The following HDAC4 variants were observed in gnomAD, a reference collection of about 807,000 sequenced individuals.
HDAC4 encodes histone deacetylase 4.
In HDAC4, 16 loss-of-function variants were observed where a neutral mutation model predicts 135.1. That is an observed-to-expected ratio of 0.12 (90% CI 0.08 to 0.18). The LOEUF (loss-of-function observed/expected upper bound fraction) is 0.18. Among genes scored for constraint, HDAC4 ranks in the 10% least tolerant of loss-of-function variants. HDAC4 has a pLI of 1.00. For synonymous variants in HDAC4, 685 were observed against 653.4 expected, an observed-to-expected ratio of 1.05 and a Z score of -0.74; for missense variants, 1,143 against 1,511.8, an observed-to-expected ratio of 0.76 and a Z score of 4.05.
intron 2 of HDAC4, among the ~76,000 whole-genome samples, chr2:239,243,075 T>C (rs1308318583): frequency 7.2e-6 from 1 of 139,180 alleles, no homozygotes; most frequent in Non-Finnish European, 1.5e-5. Flanking sequence ...CTTGGAGACC[T>C]CAGTCCCACA....
intron 2 of HDAC4, among the ~76,000 whole-genome samples, chr2:239,272,567 C>T (rs963916357): frequency 6.6e-6 from 1 of 152,222 alleles, no homozygotes; most frequent in East Asian, 1.9e-4. Context: ...TGACTGTCAT[C>T]ACTAGTTGTT....
At chr2:239,386,807 A>T (rs1383660331) in intron 1 of HDAC4, among the ~76,000 whole-genome samples, 1 of 152,208 alleles carries the variant, frequency 6.6e-6, no homozygotes, top group Non-Finnish European at 1.5e-5. Context: ...CAGTGAAAAC[A>T]CAGTGGTCTC....
chr2:239,158,422 C>T (rs1342695992), intron 6 of HDAC4, among the ~76,000 whole-genome samples: 3 of 152,256 alleles, frequency 2.0e-5, no homozygotes, highest in South Asian at 4.1e-4. Flanking sequence ...TATATTTGAA[C>T]GGTAGGATTT....
intron 22 of HDAC4, among the ~76,000 whole-genome samples, chr2:239,074,313 ACT>A (rs967068342): frequency 5.3e-5 from 8 of 152,252 alleles, no homozygotes; most frequent in African/African-American, 1.9e-4. Context: ...TTGGCGAGGC[ACT>A]CTGACTGCTG....
intron 16 of HDAC4, among the ~76,000 whole-genome samples, chr2:239,101,530 T>G (rs1006608413): frequency 2.0e-5 from 3 of 152,168 alleles, no homozygotes; most frequent in Non-Finnish European, 4.4e-5. Flanking sequence ...TCCTTGCCCC[T>G]GCAACCCCTG....
At chr2:239,348,809 A>G (rs935129963) in intron 2 of HDAC4, among the ~76,000 whole-genome samples, 5 of 152,250 alleles carry the variant, frequency 3.3e-5, no homozygotes, top group African/African-American at 1.2e-4. Flanking sequence ...GGCCGCTCAC[A>G]TCATTAGAAA....
intron 12 of HDAC4, among the ~76,000 whole-genome samples, chr2:239,124,532 G>A (rs1471251547): frequency 4.6e-5 from 7 of 151,816 alleles, no homozygotes; most frequent in African/African-American, 1.7e-4. Context: ...GCGTGCCGGC[G>A]TGTGGCCGTG....
chr2:239,230,368 C>CAAAAAAAAAAAAAAAAAAAAAA (rs56105562), intron 3 of HDAC4, among the ~76,000 whole-genome samples: 1 of 79,394 alleles, frequency 1.3e-5, no homozygotes, highest in African/African-American at 5.2e-5. Flanking sequence ...AGCAAGCAAG[C>CAAAAAAAAAAAAAAAAAAAAAA]AAAAAAAAAA....
At chr2:239,095,372 C>T (rs1469018188) in intron 16 of HDAC4, among the ~76,000 whole-genome samples, 4 of 152,174 alleles carry the variant, frequency 2.6e-5, no homozygotes, top group Admixed American at 6.5e-5. Context: ...CCCTGGTGGG[C>T]GTCTGCCTGC....
At position 239,167,183 on chromosome 2, in the gene HDAC4, C is replaced by T. The variant is rs1257025810; in HGVS notation, c.491-3260G>A. ...CCAGTAGACCCAAACTCAGTGCAGT[C>T]AGCCTTACCTGCTCAAAACACCAGT... is the stretch of plus-strand genomic sequence containing the variant. On this transcript the variant is annotated intron_variant, in intron 5 of 26. Coordinates refer to ENST00000543185, the MANE Select transcript of HDAC4 (RefSeq NM_001378414.1). This position sits in a 1 kb window ranked among gnomAD's most constrained non-coding sequence, Gnocchi z 4.1. Among the ~76,000 whole-genome samples the T allele has an allele frequency of 6.6e-6, 1 of 152,170 alleles. No homozygotes were observed. The highest frequency in any genetic ancestry group is 1.5e-5 in the Non-Finnish European group (1 of 68,036).
At chr2:239,242,256 G>GGGAT (rs1217975026) in intron 2 of HDAC4, among the ~76,000 whole-genome samples, 9 of 148,978 alleles carry the variant, frequency 6.0e-5, no homozygotes, top group African/African-American at 2.3e-4. Flanking sequence ...GAGGGAGGGA[G>GGGAT]GGAAACGAAC....
intron 1 of HDAC4, among the ~76,000 whole-genome samples, chr2:239,359,985 G>A (rs753429510): frequency 1.3e-5 from 2 of 152,204 alleles, no homozygotes; most frequent in Non-Finnish European, 2.9e-5. Context: ...AGGTACACCT[G>A]TTAGGAGTTC....
chr2:239,339,939 G>A (rs1692195683), intron 2 of HDAC4, among the ~76,000 whole-genome samples: 1 of 152,236 alleles, frequency 6.6e-6, no homozygotes, highest in South Asian at 2.1e-4. Flanking sequence ...ACCGGCCTTT[G>A]TGACTGCTTC....
rs372839390 is a variant in HDAC4 at position 239,337,303 on chromosome 2, G to A, written c.22+15375C>T. ...ACTCACCGGCGAAATAAACGTTTTG[G>A]CTCCGGGAAGGCAGAAAACGTCCAC... On this transcript the variant is annotated intron_variant, in intron 2 of 26. Transcript: ENST00000543185. Among the ~76,000 whole-genome samples, 6 of 152,202 alleles carry A rather than the reference G, an allele frequency of 3.9e-5. No individual in the cohort carries two copies. In the East Asian group the frequency reaches 1.2e-3, roughly 30 times the overall value.
chr2:239,375,801 G>C (rs922900374), intron 1 of HDAC4, among the ~76,000 whole-genome samples: 2 of 152,200 alleles, frequency 1.3e-5, no homozygotes, highest in Non-Finnish European at 2.9e-5. Flanking sequence ...TGGGGAGTCT[G>C]GGCTCCCTCA....
chr2:239,179,033 G>A (rs576208155), intron 4 of HDAC4, among the ~76,000 whole-genome samples: 3 of 151,828 alleles, frequency 2.0e-5, no homozygotes, highest in African/African-American at 4.8e-5. Flanking sequence ...GGCAGCCACC[G>A]GACGCCTGAG....
chr2:239,149,521 CAGA>C (rs2041976362), intron 7 of HDAC4, among the ~76,000 whole-genome samples: 1 of 152,138 alleles, frequency 6.6e-6, no homozygotes, highest in South Asian at 2.1e-4. Flanking sequence ...CGATGCCCCA[CAGA>C]AGAACAGGTG....
At chr2:239,292,077 C>T (rs2051547351) in intron 2 of HDAC4, among the ~76,000 whole-genome samples, 1 of 152,104 alleles carries the variant, frequency 6.6e-6, no homozygotes, top group South Asian at 2.1e-4. Flanking sequence ...AGGGGCTGCG[C>T]GCACAGCCCA....
In HDAC4 at chr2:239,168,243, C is replaced by T. The variant is rs540699778; in HGVS notation, c.491-4320G>A. Among the ~76,000 whole-genome samples, 16 of 152,330 alleles carry T rather than the reference C, an allele frequency of 1.1e-4. No individual in the cohort carries two copies. The East Asian group carries it at 1.5e-3, about 15-fold the overall frequency. ...TCCCTCCATTCCCTGCAGGGCTGCG[C>T]GTGTGGACCGCAGTGAGAGAAAGCG... On this transcript the variant is annotated intron_variant, in intron 5 of 26. Coordinates refer to ENST00000543185, the MANE Select transcript of HDAC4 (RefSeq NM_001378414.1).
Sources: allele counts gnomAD v4.1 joint callset (sites outside exome capture counted in the v4.1 genomes callset), GRCh38; gene constraint gnomAD v4.1.1; non-coding constraint Gnocchi (gnomAD v3.1); transcripts MANE v1.5; gene names NCBI Gene and HGNC (gene_info 2026-07-23, HGNC 2026-07-21).